Variants in ADAMTS12 observed in about 807,000 individuals in gnomAD.
The protein encoded by ADAMTS12 is ADAM metallopeptidase with thrombospondin type 1 motif 12, also known as A disintegrin and metalloproteinase with thrombospondin motifs 12.
ADAMTS12 carries 118 observed loss-of-function variants against 167.8 expected under a neutral mutation model. The ratio of observed to expected loss-of-function variants is 0.70; its 90% CI spans 0.61 to 0.82. ADAMTS12 has a LOEUF of 0.82. Among genes scored for constraint, ADAMTS12 ranks in the 40% least tolerant of loss-of-function variants. The pLI is 0.00. For synonymous variants in ADAMTS12, 704 were observed against 716.9 expected (o/e 0.98, Z 0.29); for missense variants, 1,916 against 1,998.8 (o/e 0.96, Z 0.79).
At position 33,891,925 on chromosome 5, in the gene ADAMTS12, C is replaced by T; in HGVS notation, c.-69G>A. 1.3e-6 allele frequency: 2 copies of T among 1,571,308 alleles called. No homozygotes were observed. The highest frequency in any genetic ancestry group is 1.7e-6 in the Non-Finnish European group (2 of 1,160,782). On this transcript the variant is annotated 5_prime_UTR_variant, in exon 1 of 24. Coordinates refer to ENST00000504830, the MANE Select transcript of ADAMTS12 (RefSeq NM_030955.4). Reference sequence around the variant, plus strand: ...CTCAGCTCCAGAAATAAAGCGCTCGCCTGTGGCCCAGCAGGAAGATGCAGG... The same window carrying T: ...CTCAGCTCCAGAAATAAAGCGCTCGTCTGTGGCCCAGCAGGAAGATGCAGG...
intron 19 of ADAMTS12, among the ~76,000 whole-genome samples, chr5:33,566,920 C>A (rs1333005444): frequency 6.6e-6 from 1 of 152,080 alleles, no homozygotes; most frequent in Admixed American, 6.5e-5. Context: ...GGGATGGTGA[C>A]CCCAGGGCAA....
intron 2 of ADAMTS12, among the ~76,000 whole-genome samples, chr5:33,809,723 A>C (rs1388879026): frequency 6.6e-6 from 1 of 152,114 alleles, no homozygotes; most frequent in African/African-American, 2.4e-5. Flanking sequence ...CTAGGGCAAA[A>C]AGAAAAGGCT....
At chr5:33,541,729 C>T (rs956656804) in intron 22 of ADAMTS12, among the ~76,000 whole-genome samples, 1 of 152,160 alleles carries the variant, frequency 6.6e-6, no homozygotes, top group Non-Finnish European at 1.5e-5. Context: ...TCATATACAA[C>T]CAAACTAAGC....
intron 3 of ADAMTS12, among the ~76,000 whole-genome samples, chr5:33,731,895 A>G (rs1043687994): frequency 1.3e-5 from 2 of 152,138 alleles, no homozygotes; most frequent in Admixed American, 6.5e-5. Flanking sequence ...GGATTTTAAA[A>G]CTGGTCATCT....
rs549843207 is a variant in ADAMTS12 at position 33,625,800 on chromosome 5, T to C, written c.2023-1449A>G. Among the ~76,000 whole-genome samples the C allele has an allele frequency of 2.6e-5, 4 of 152,330 alleles. No individual in the cohort carries two copies. In the South Asian group the frequency reaches 8.3e-4, roughly 32 times the overall value. On this transcript the variant is annotated intron_variant, in intron 13 of 23. Transcript: ENST00000504830. ...AGACTCACCCAATTTAGTTTTCCTG[T>C]GAGCTGCATGCAGTACAATAAAAAC... is the stretch of plus-strand genomic sequence containing the variant.
At chr5:33,573,231 C>T (rs1319758792) in intron 19 of ADAMTS12, among the ~76,000 whole-genome samples, 3 of 152,040 alleles carry the variant, frequency 2.0e-5, no homozygotes, top group East Asian at 3.9e-4. Flanking sequence ...ACTTTCTTCA[C>T]AGAATTGGAA....
In ADAMTS12 at chr5:33,541,271, G is replaced by A. The variant is rs76068646; in HGVS notation, c.4446+4788C>T. ...TTAAATTAATGAAATAAAGTGAGAAGACAAGTTTAGAGATAAAGAGTAAAA... is the reference window on the plus strand; with the variant it reads ...TTAAATTAATGAAATAAAGTGAGAAAACAAGTTTAGAGATAAAGAGTAAAA... On this transcript the variant is annotated intron_variant, in intron 22 of 23. Coordinates refer to ENST00000504830, the MANE Select transcript of ADAMTS12 (RefSeq NM_030955.4). Among the ~76,000 whole-genome samples the A allele has an allele frequency of 4.8e-4, 73 of 152,214 alleles. No individual in the cohort carries two copies. The East Asian group carries it at 0.014, about 28-fold the overall frequency.
intron 2 of ADAMTS12, among the ~76,000 whole-genome samples, chr5:33,874,382 C>A (rs910280479): frequency 1.3e-5 from 2 of 152,098 alleles, no homozygotes. Flanking sequence ...AAATGAGATA[C>A]CACCACACAT....
At position 33,832,612 on chromosome 5, in the gene ADAMTS12, C is replaced by T. The variant is rs145966063; in HGVS notation, c.489+48507G>A. On this transcript the variant is annotated intron_variant, in intron 2 of 23. Transcript: ENST00000504830. ...AACGTGTACAATTTCTACCATCTGGCAATGCGCATGCTCAGAGAGAGAATT... is the reference window on the plus strand; with the variant it reads ...AACGTGTACAATTTCTACCATCTGGTAATGCGCATGCTCAGAGAGAGAATT... Among the ~76,000 whole-genome samples the T allele has an allele frequency of 3.2e-3, 483 of 152,310 alleles. 2 individuals carry two copies. The highest frequency in any genetic ancestry group is 0.011 in the African/African-American group (452 of 41,564).
Position 33,577,042 on chromosome 5 carries a change from T to A in ADAMTS12, c.2984A>T (p.Gln995Leu), listed in dbSNP as rs1561140509. 1 of 1,614,098 alleles carries A rather than the reference T, an allele frequency of 6.2e-7. No individual in the cohort carries two copies. Among genetic ancestry groups the A allele is most frequent in the Non-Finnish European group, 8.5e-7 (1 of 1,180,042 alleles). The change falls in exon 19 of 24, where the codon CAA becomes CTA. Residue 995 changes from glutamine (Q) to leucine (L), a missense_variant. Physicochemically the swap from Gln to Leu is moderately radical, Grantham distance 113. Transcript: ENST00000504830. The stretch of plus-strand genomic sequence containing the variant: ...CAGAACTCTCCGGCTAGAAGGGCAT[T>A]GCTGGAGGCCACACAGAGCTCGGCT... ...PNSRALCGLQ[Q>L]CPSSRRVLKP...
At chr5:33,869,428 G>C (rs1284846531) in intron 2 of ADAMTS12, among the ~76,000 whole-genome samples, 4 of 152,058 alleles carry the variant, frequency 2.6e-5, no homozygotes, top group Non-Finnish European at 5.9e-5. Context: ...GAGATCCTCT[G>C]GTAGGGCAAT....
intron 16 of ADAMTS12, among the ~76,000 whole-genome samples, chr5:33,601,863 A>G (rs1738206022): frequency 6.6e-6 from 1 of 152,222 alleles, no homozygotes; most frequent in African/African-American, 2.4e-5. Flanking sequence ...GAATTTATAT[A>G]AGAAATGCTT....
intron 2 of ADAMTS12, among the ~76,000 whole-genome samples, chr5:33,760,879 C>CTGTGTGTGTG (rs61110268): frequency 6.2e-5 from 9 of 145,468 alleles, no homozygotes; most frequent in Non-Finnish European, 1.4e-4. Context: ...TGTCTTTGCT[C>CTGTGTGTGTG]TGTGTGTGTG....
Position 33,766,714 on chromosome 5 carries a change from A to G in ADAMTS12, c.490-15166T>C, listed in dbSNP as rs1579918233. Among the ~76,000 whole-genome samples, 4 of 152,268 alleles carry G rather than the reference A, an allele frequency of 2.6e-5. 1 individual carries two copies. The highest frequency in any genetic ancestry group is 2.6e-4 in the Admixed American group (4 of 15,296). ...AGGTACAAAGAACTCATTCTTTTTT[A>G]ATTAGTATTAAAATTTACAGAAAGT... On this transcript the variant is annotated intron_variant, in intron 2 of 23. Coordinates refer to ENST00000504830, the MANE Select transcript of ADAMTS12 (RefSeq NM_030955.4).
intron 16 of ADAMTS12, among the ~76,000 whole-genome samples, chr5:33,610,115 A>G (rs1249010606): frequency 6.6e-6 from 1 of 152,220 alleles, no homozygotes; most frequent in East Asian, 1.9e-4. Context: ...TGGGAGGTGG[A>G]GGTTGCGGTG....
At chr5:33,638,056 G>T (rs1414621905) in intron 11 of ADAMTS12, among the ~76,000 whole-genome samples, 2 of 152,012 alleles carry the variant, frequency 1.3e-5, no homozygotes, top group African/African-American at 4.8e-5. Flanking sequence ...TTCCTATTTG[G>T]TGAGTTAAAA....
chr5:33,676,983 C>T (rs964576616), intron 5 of ADAMTS12, among the ~76,000 whole-genome samples: 4 of 152,130 alleles, frequency 2.6e-5, no homozygotes. Context: ...CTTCAAGCCC[C>T]ACCAATGCCA....
rs1013359902 is a variant in ADAMTS12, at chr5:33,655,943, T to A, written c.1190+2241A>T. ...TGTTCCTGTGTTAGTTTGCTGAGAA[T>A]AATGGCTTTCTGAATAAACTCAAAG... On this transcript the variant is annotated intron_variant, in intron 7 of 23. Coordinates refer to ENST00000504830, the MANE Select transcript of ADAMTS12 (RefSeq NM_030955.4). Among the ~76,000 whole-genome samples, 9 of 152,286 alleles carry A rather than the reference T, an allele frequency of 5.9e-5. No homozygotes were observed. The East Asian group carries it at 9.7e-4, about 16-fold the overall frequency.
chr5:33,789,428 TAC>T (rs1241736139), intron 2 of ADAMTS12, among the ~76,000 whole-genome samples: 1 of 152,250 alleles, frequency 6.6e-6, no homozygotes, highest in Non-Finnish European at 1.5e-5. Context: ...CACTGCTTAA[TAC>T]ACAGTCTGCT....
Sources: gnomAD v4.1 joint callset for allele counts (sites outside exome capture counted in the v4.1 genomes callset) on GRCh38, gnomAD v4.1.1 for gene constraint, MANE v1.5 for transcripts, NCBI Gene and HGNC (gene_info 2026-07-23, HGNC 2026-07-21) for gene names.